Variants in ZNF385D observed in about 807,000 individuals in gnomAD.
ZNF385D encodes the protein zinc finger protein 385D, also known as zinc finger protein 659.
A neutral mutation model predicts 35.8 loss-of-function variants in ZNF385D; 15 were observed. The ratio of observed to expected loss-of-function variants is 0.42; its 90% confidence interval spans 0.28 to 0.64. The LOEUF (loss-of-function observed/expected upper bound fraction) is 0.64, where lower values mean the gene tolerates loss of function less well. ZNF385D is among the 30% of genes least tolerant of loss of function. The pLI is 0.23. For synonymous variants in ZNF385D, 212 were observed against 186.8 expected (o/e 1.13, Z -1.10); for missense variants, 474 against 494.6 (o/e 0.96, Z 0.39).
At chr3:21,995,040 C>G (rs1355851488) in intron 3 of ZNF385D, among the ~76,000 whole-genome samples, 2 of 152,198 alleles carry the variant, frequency 1.3e-5, no homozygotes, top group Admixed American at 6.5e-5. Flanking sequence ...TTTCTTGGTG[C>G]CAGCAGTGAC....
chr3:21,811,356 T>C (rs2072913788), intron 3 of ZNF385D, among the ~76,000 whole-genome samples: 1 of 152,056 alleles, frequency 6.6e-6, no homozygotes, highest in Admixed American at 6.5e-5. Flanking sequence ...GAGGAAATAT[T>C]CAAGAGACCA....
At chr3:22,294,106 C>G (rs1472957297) in intron 2 of ZNF385D, among the ~76,000 whole-genome samples, 1 of 151,814 alleles carries the variant, frequency 6.6e-6, no homozygotes, top group African/African-American at 2.4e-5. Flanking sequence ...TAATGATACT[C>G]TAAGACCATT....
chr3:21,881,999 C>T (rs1472769259), intron 3 of ZNF385D, among the ~76,000 whole-genome samples: 2 of 152,068 alleles, frequency 1.3e-5, no homozygotes, highest in African/African-American at 4.8e-5. Context: ...TGGAATTGTT[C>T]TGGGTGAGCA....
At chr3:21,628,242 G>A (rs2065188433) in intron 2 of ZNF385D, among the ~76,000 whole-genome samples, 2 of 152,076 alleles carry the variant, frequency 1.3e-5, no homozygotes, top group Non-Finnish European at 2.9e-5. Context: ...GCTTTAAGGT[G>A]GCATTTCATT....
At chr3:22,227,082 A>G (rs1389612948) in intron 2 of ZNF385D, among the ~76,000 whole-genome samples, 1 of 152,102 alleles carries the variant, frequency 6.6e-6, no homozygotes, top group African/African-American at 2.4e-5. Context: ...ACTAAATCAG[A>G]TAAGGTGTCC....
rs2070050921 is a variant in ZNF385D, at chr3:21,751,023, C to T, written c.-107G>A. ...ATGCTACATTCGGTGGAAATGTCCC[C>T]GGCGTGGAGAGCAGTGAGCGCCGAG... On this transcript the variant is annotated 5_prime_UTR_variant, in exon 1 of 8. Coordinates refer to ENST00000281523, the MANE Select transcript of ZNF385D (RefSeq NM_024697.3). 5 of 1,597,690 alleles carry T rather than the reference C, an allele frequency of 3.1e-6. No homozygotes were observed. Among genetic ancestry groups the T allele is most frequent in the Non-Finnish European group, 4.3e-6 (5 of 1,172,048 alleles).
At chr3:21,690,820 A>G (rs2067258312) in intron 1 of ZNF385D, among the ~76,000 whole-genome samples, 1 of 152,214 alleles carries the variant, frequency 6.6e-6, no homozygotes, top group Admixed American at 6.5e-5. Flanking sequence ...AAAGAGTCTC[A>G]GATGATTCTG....
In ZNF385D at chr3:21,842,344, G is replaced by A. The variant is rs561297124; in HGVS notation, c.326-177316C>T. ...GAGAAAAAGGAGCAAGATGGGAAGG[G>A]AAGGAGAATGAATTTTGGCCTGAGA... On this transcript the variant is annotated intron_variant, in intron 3 of 5. Transcript: ENST00000494108. 7.9e-5 allele frequency among the ~76,000 whole-genome samples: 12 copies of A among 152,066 alleles called. No individual in the cohort carries two copies. The South Asian group carries it at 2.5e-3, about 32-fold the overall frequency.
intron 3 of ZNF385D, among the ~76,000 whole-genome samples, chr3:22,087,290 C>T (rs1023471335): frequency 2.6e-5 from 4 of 151,870 alleles, no homozygotes; most frequent in African/African-American, 7.3e-5. Flanking sequence ...AATTGTCTAC[C>T]CATATCCATT....
intron 2 of ZNF385D, among the ~76,000 whole-genome samples, chr3:21,609,012 G>T (rs943761550): frequency 6.6e-6 from 1 of 152,216 alleles, no homozygotes; most frequent in Non-Finnish European, 1.5e-5. Flanking sequence ...GAAAATAATT[G>T]TGCTGTCCTT....
chr3:21,894,974 G>C (rs917026719), intron 3 of ZNF385D, among the ~76,000 whole-genome samples: 5 of 151,980 alleles, frequency 3.3e-5, no homozygotes, highest in African/African-American at 1.2e-4. Flanking sequence ...AACACAGAGA[G>C]GTGAGCACAA....
At position 21,854,273 on chromosome 3, in the gene ZNF385D, T is replaced by C. The variant is rs149089077; in HGVS notation, c.326-189245A>G. 6.1e-3 allele frequency among the ~76,000 whole-genome samples: 925 copies of C among 152,048 alleles called. 3 individuals are homozygous for C. The highest frequency in any genetic ancestry group is 0.011 in the Non-Finnish European group (727 of 67,894). On this transcript the variant is annotated intron_variant, in intron 3 of 5. Transcript: ENST00000494108. ...GGCTACAATATTTGCTTTTTAACCA[T>C]AGAAAAGAAAACTTTCAATGCCCAC...
chr3:21,843,587 C>G (rs998701740), intron 3 of ZNF385D, among the ~76,000 whole-genome samples: 1 of 151,822 alleles, frequency 6.6e-6, no homozygotes, highest in Non-Finnish European at 1.5e-5. Context: ...ATATATTGAG[C>G]TATTAAAATA....
At chr3:21,969,839 C>T in intron 3 of ZNF385D, among the ~76,000 whole-genome samples, 1 of 152,092 alleles carries the variant, frequency 6.6e-6, no homozygotes, top group East Asian at 1.9e-4. Flanking sequence ...CCTATCTCAG[C>T]TCCAGACAGC....
Position 21,585,979 on chromosome 3 carries a change from G to A in ZNF385D, c.166-21295C>T, listed in dbSNP as rs181562824. On this transcript the variant is annotated intron_variant, in intron 2 of 7. Transcript: ENST00000281523. ...AAGCCAAGAGTCCAAGACCAGTCTC[G>A]GCAACATAGCAAGACCCCATCTCTA... Among the ~76,000 whole-genome samples, 622 of 151,972 alleles carry A rather than the reference G, an allele frequency of 4.1e-3. 3 individuals carry two copies. Among genetic ancestry groups the A allele is most frequent in the Non-Finnish European group, 6.8e-3 (459 of 67,968 alleles).
At chr3:21,804,920 C>T (rs918197576) in intron 3 of ZNF385D, among the ~76,000 whole-genome samples, 2 of 152,088 alleles carry the variant, frequency 1.3e-5, no homozygotes, top group African/African-American at 2.4e-5. Context: ...AAAATTTAAC[C>T]ATGATCATTA....
intron 4 of ZNF385D, among the ~76,000 whole-genome samples, chr3:21,453,131 T>C (rs1702565470): frequency 6.6e-6 from 1 of 150,730 alleles, no homozygotes; most frequent in Admixed American, 6.7e-5. Flanking sequence ...GAATAGTCTC[T>C]TCAACAATGA....
intron 3 of ZNF385D, among the ~76,000 whole-genome samples, chr3:21,829,856 G>A (rs1163975762): frequency 6.6e-6 from 1 of 152,036 alleles, no homozygotes; most frequent in Non-Finnish European, 1.5e-5. Flanking sequence ...CTGACATGGG[G>A]CTTACGCCTG....
At chr3:22,233,110 A>G (rs982644339) in intron 2 of ZNF385D, among the ~76,000 whole-genome samples, 4 of 152,126 alleles carry the variant, frequency 2.6e-5, no homozygotes, top group South Asian at 2.1e-4. Context: ...CCGTTTCTCT[A>G]TTGAGTCCTC....
Sources: gnomAD v4.1 joint callset for allele counts (sites outside exome capture counted in the v4.1 genomes callset) on GRCh38, gnomAD v4.1.1 for gene constraint, MANE v1.5 for transcripts, NCBI Gene and HGNC (gene_info 2026-07-23, HGNC 2026-07-21) for gene names.